The following KCNQ3 variants were observed in gnomAD, a reference collection of about 807,000 sequenced individuals.
The protein encoded by KCNQ3 is potassium voltage-gated channel subfamily KQT member 3.
Under a neutral mutation model 92.5 loss-of-function variants are expected in KCNQ3, and 30 were observed. The ratio of observed to expected loss-of-function variants is 0.32; its 90% CI spans 0.24 to 0.44. The LOEUF is 0.44. Among genes scored for constraint, KCNQ3 ranks in the 20% least tolerant of loss-of-function variants. KCNQ3 has a pLI of 1.00. For missense variants in KCNQ3, 913 were observed against 1,140.3 expected (o/e 0.80, Z 2.87); for synonymous variants, 450 against 468.8 (o/e 0.96, Z 0.52).
At chr8:132,374,835 T>C (rs1414703948) in intron 1 of KCNQ3, among the ~76,000 whole-genome samples, 7 of 152,230 alleles carry the variant, frequency 4.6e-5, no homozygotes, top group Non-Finnish European at 7.3e-5. Flanking sequence ...GCTCCATCCA[T>C]CTTCCTGCAA....
chr8:132,129,698 C>A lies in KCNQ3; in HGVS notation c.2183G>T (p.Gly728Val). The A allele has an allele frequency of 6.2e-7, 1 of 1,614,172 alleles. No homozygotes were observed. Among genetic ancestry groups the A allele is most frequent in the South Asian group, 1.1e-5 (1 of 91,066 alleles). The change falls in exon 15 of 15, where the codon GGA becomes GTA. Residue 728 changes from glycine to valine, a missense_variant. By Grantham distance (109) the Gly-to-Val change is moderately radical (BLOSUM62 -3). Around this residue, in one of 6 missense-constraint regions of KCNQ3, gnomAD observed 375 missense variants for 376.4 expected, o/e 1.00. Transcript: ENST00000388996. This position sits in a 1 kb window ranked among gnomAD's most constrained non-coding sequence, Gnocchi z 5.9. ...GGAAGGAGGAGTTGCCTGAACCTTT[C>A]CAGAACTGGGTCCCCCTCGGGGCAG... ...VNLPRGGPSS[G>V]KVQATPPSSA...
At chr8:132,445,502 A>G (rs1165727167) in intron 1 of KCNQ3, among the ~76,000 whole-genome samples, 1 of 143,584 alleles carries the variant, frequency 7.0e-6, no homozygotes, top group Non-Finnish European at 1.5e-5. Flanking sequence ...AAGTGAATGA[A>G]TGAATGATAT....
chr8:132,312,656 GT>G (rs953518385), intron 1 of KCNQ3, among the ~76,000 whole-genome samples: 34 of 152,138 alleles, frequency 2.2e-4, no homozygotes, highest in African/African-American at 8.0e-4. Context: ...CATGGGGGCG[GT>G]TTCCCCCATG....
At chr8:132,326,258 C>T (rs893823394) in intron 1 of KCNQ3, among the ~76,000 whole-genome samples, 1 of 152,098 alleles carries the variant, frequency 6.6e-6, no homozygotes, top group Non-Finnish European at 1.5e-5. Context: ...AGACAGGCTA[C>T]CAAATAAAGG....
At chr8:132,289,934 C>T (rs1816793634) in intron 1 of KCNQ3, among the ~76,000 whole-genome samples, 2 of 152,190 alleles carry the variant, frequency 1.3e-5, no homozygotes, top group South Asian at 2.1e-4. Context: ...GAGCTAAGTC[C>T]CAGTGACACA....
intron 1 of KCNQ3, among the ~76,000 whole-genome samples, chr8:132,429,753 C>T (rs564929658): frequency 6.7e-6 from 1 of 148,966 alleles, no homozygotes; most frequent in South Asian, 2.2e-4. Flanking sequence ...CCCAGCTATT[C>T]GGGAGGCTGA....
chr8:132,217,855 G>T (rs1814093166), intron 1 of KCNQ3, among the ~76,000 whole-genome samples: 1 of 152,080 alleles, frequency 6.6e-6, no homozygotes. Context: ...GTCTGGCCAG[G>T]CCTACTTCAA....
At chr8:132,394,046 A>T (rs1820123814) in intron 1 of KCNQ3, among the ~76,000 whole-genome samples, 4 of 152,188 alleles carry the variant, frequency 2.6e-5, no homozygotes, top group African/African-American at 4.8e-5. Context: ...CAACAGAGCT[A>T]CGGAAACAGC....
At chr8:132,399,819 G>T (rs1443162285) in intron 1 of KCNQ3, among the ~76,000 whole-genome samples, 3 of 152,150 alleles carry the variant, frequency 2.0e-5, no homozygotes, top group Non-Finnish European at 4.4e-5. Context: ...CTGGGCCTCA[G>T]TTTCTCCTTC....
In KCNQ3 at chr8:132,290,732, C is replaced by T. The variant is rs144561198; in HGVS notation, c.387-104551G>A. On this transcript the variant is annotated intron_variant, in intron 1 of 14. Coordinates refer to ENST00000388996, the MANE Select transcript of KCNQ3 (RefSeq NM_004519.4). ...GCCACCATGCTGAGTTAGAAAACAC[C>T]GGAACAGGATGAGATTTTTGAGGAA... Among the ~76,000 whole-genome samples the T allele has an allele frequency of 5.7e-3, 870 of 152,114 alleles. 7 individuals are homozygous for T. The highest frequency in any genetic ancestry group is 0.02 in the African/African-American group (818 of 41,488).
chr8:132,211,534 A>G (rs73356978), intron 1 of KCNQ3, among the ~76,000 whole-genome samples: 2,785 of 152,268 alleles, frequency 0.018, 93 homozygotes, highest in African/African-American at 0.064. Flanking sequence ...ACTTTTTCAG[A>G]TAACCTTTTG....
At chr8:132,377,876 T>C (rs184024966) in intron 1 of KCNQ3, among the ~76,000 whole-genome samples, 2 of 152,244 alleles carry the variant, frequency 1.3e-5, no homozygotes, top group Admixed American at 6.5e-5. Context: ...TCAAGAGCAT[T>C]TGGAACTCAA....
chr8:132,259,964 T>C lies in KCNQ3; in HGVS notation c.387-73783A>G, dbSNP rs558755278. Among the ~76,000 whole-genome samples the C allele has an allele frequency of 1.8e-4, 27 of 152,260 alleles. No individual in the cohort carries two copies. In the South Asian group the frequency reaches 3.5e-3, roughly 20 times the overall value. On this transcript the variant is annotated intron_variant, in intron 1 of 14. Coordinates refer to ENST00000388996, the MANE Select transcript of KCNQ3 (RefSeq NM_004519.4). ...GTACAAGACGTACAAGGCTTGTACC[T>C]GACAACTACAAAACATTGTTGACAT...
intron 1 of KCNQ3, among the ~76,000 whole-genome samples, chr8:132,213,973 G>A (rs1813947293): frequency 6.6e-6 from 1 of 152,118 alleles, no homozygotes; most frequent in Non-Finnish European, 1.5e-5. Context: ...AAAAACCACG[G>A]AAAATACACA....
chr8:132,198,004 C>T (rs879724823), intron 1 of KCNQ3, among the ~76,000 whole-genome samples: 2 of 152,156 alleles, frequency 1.3e-5, no homozygotes, highest in East Asian at 3.8e-4. Context: ...AGGTAATTCC[C>T]TCTGCTTAAA....
chr8:132,186,897 C>G (rs1826972979), intron 1 of KCNQ3, among the ~76,000 whole-genome samples: 1 of 135,338 alleles, frequency 7.4e-6, no homozygotes, highest in Non-Finnish European at 1.5e-5. Context: ...TCTTTATAAA[C>G]TGTGAGGTGC....
chr8:132,192,358 C>A (rs570149394), intron 1 of KCNQ3, among the ~76,000 whole-genome samples: 1 of 152,298 alleles, frequency 6.6e-6, no homozygotes, highest in South Asian at 2.1e-4. Flanking sequence ...CCCTTAGTTT[C>A]TTGCATATTT....
chr8:132,332,628 T>C (rs1030621900), intron 1 of KCNQ3, among the ~76,000 whole-genome samples: 5 of 152,262 alleles, frequency 3.3e-5, no homozygotes, highest in African/African-American at 4.8e-5. Context: ...CAAATCCTTC[T>C]CTGTCCTTGT....
At position 132,122,655 on chromosome 8, in the gene KCNQ3, T is replaced by C. The variant is rs751961648; in HGVS notation, c.*6607A>G. On this transcript the variant is annotated 3_prime_UTR_variant, in exon 15 of 15. Coordinates refer to ENST00000388996, the MANE Select transcript of KCNQ3 (RefSeq NM_004519.4). ...ATCTTTAAAATTACTGGGCCAACTATTGTTGTTCTAGAACTTGACCATCCT... is the reference window on the plus strand; with the variant it reads ...ATCTTTAAAATTACTGGGCCAACTACTGTTGTTCTAGAACTTGACCATCCT... 2.0e-5 allele frequency: 3 copies of C among 150,914 alleles called. No individual in the cohort carries two copies. Among genetic ancestry groups the C allele is most frequent in the African/African-American group, 5.0e-5 (2 of 40,220 alleles). 9.3% of individuals were successfully genotyped at this position (150,914 alleles called of 1,614,324 possible). A position where few individuals can be genotyped will look rare whatever the true frequency, so the allele number is the denominator to read the frequency against.
Sources: gnomAD v4.1 joint callset for allele counts (sites outside exome capture counted in the v4.1 genomes callset) on GRCh38, gnomAD v4.1.1 for gene constraint, gnomAD v4.1.1 regional missense constraint, Gnocchi (gnomAD v3.1) non-coding constraint, MANE v1.5 for transcripts, NCBI Gene and HGNC (gene_info 2026-07-23, HGNC 2026-07-21) for gene names.